OSBPL10: variants seen among roughly 807,000 people sequenced by gnomAD.
OSBPL10 encodes the protein oxysterol-binding protein-related protein 10.
OSBPL10 carries 49 observed loss-of-function variants against 81.7 expected under a neutral mutation model. The observed-to-expected ratio is 0.60, with a 90% CI of 0.48 to 0.76. The LOEUF is 0.76. Ranked by LOEUF, OSBPL10 falls within the 30% of genes least tolerant of loss-of-function variation. OSBPL10 has a pLI of 0.00. For missense variants in OSBPL10, 923 were observed against 987.8 expected (o/e 0.93, Z 0.88); for synonymous variants, 419 against 383.6 (o/e 1.09, Z -1.08).
chr3:32,030,588 G>A lies in OSBPL10; in HGVS notation n.298+15903C>T, dbSNP rs181947112. The A allele has an allele frequency of 2.6e-3, 2,689 of 1,026,822 alleles. 11 individuals carry two copies. Among genetic ancestry groups the A allele is most frequent in the Non-Finnish European group, 3.7e-3 (2,364 of 647,590 alleles). The allele number at this position is 1,026,822 out of a possible 1,614,324, so 63.6% of individuals were successfully genotyped here. On this transcript the variant is annotated intron_variant and non_coding_transcript_variant, in intron 2 of 3. Coordinates refer to the OSBPL10 transcript ENST00000479173. ...GTACCTGGGTTCAACTGAAGCGCCC[G>A]CCTGCTCCACCCAGAGAAGCACACT...
chr3:31,968,777 T>C (rs1284432296), intron 1 of OSBPL10, among the ~76,000 whole-genome samples: 1 of 152,192 alleles, frequency 6.6e-6, no homozygotes, highest in Non-Finnish European at 1.5e-5. Context: ...CCAAATTAAC[T>C]AAACAACTAT....
chr3:31,806,516 A>G (rs1161983186), intron 4 of OSBPL10, among the ~76,000 whole-genome samples: 1 of 152,224 alleles, frequency 6.6e-6, no homozygotes, highest in Non-Finnish European at 1.5e-5. Context: ...CTTTTGATAC[A>G]TATCTATTGA....
At chr3:31,962,099 T>A (rs1182342895) in intron 1 of OSBPL10, among the ~76,000 whole-genome samples, 2 of 152,194 alleles carry the variant, frequency 1.3e-5, no homozygotes, top group Admixed American at 1.3e-4. Flanking sequence ...GGATTACAGA[T>A]GCCCACCACC....
At chr3:31,762,171 A>G (rs61235680) in intron 4 of OSBPL10, among the ~76,000 whole-genome samples, 4,115 of 152,222 alleles carry the variant, frequency 0.027, 194 homozygotes, top group African/African-American at 0.094. Flanking sequence ...CCCACCTTCA[A>G]CAAGCTTATC....
chr3:32,012,631 A>G (rs1369887325), intron 2 of OSBPL10, among the ~76,000 whole-genome samples: 1 of 152,250 alleles, frequency 6.6e-6, no homozygotes, highest in African/African-American at 2.4e-5. Flanking sequence ...TGCTCCAATT[A>G]AAAGACACAG....
In OSBPL10 at chr3:31,684,001, C is replaced by G. The variant is rs889239649; in HGVS notation, c.1359G>C (p.Glu453Asp). ...LAITAGATPE[E>D]RVICFVEYYL... ...AATACTCAACGAAGCAAATGACTCT[C>G]TCCTCTGGTGTGGCCCCAGCGGTGA... Residue 453 changes from glutamate to aspartate, a missense_variant, in exon 8 of 12, where the codon GAG becomes GAC. Transcript: ENST00000396556. 6 of 1,614,108 alleles carry G rather than the reference C, an allele frequency of 3.7e-6. No individual in the cohort carries two copies. Among genetic ancestry groups the G allele is most frequent in the African/African-American group, 1.3e-5 (1 of 74,934 alleles).
chr3:31,791,591 T>C (rs886501685), intron 4 of OSBPL10, among the ~76,000 whole-genome samples: 3 of 152,176 alleles, frequency 2.0e-5, no homozygotes, highest in Non-Finnish European at 4.4e-5. Flanking sequence ...CAGTGAAAAC[T>C]TGAGTTCTTA....
intron 6 of OSBPL10, among the ~76,000 whole-genome samples, chr3:31,706,197 G>A (rs548010484): frequency 1.3e-5 from 2 of 152,300 alleles, no homozygotes; most frequent in East Asian, 1.9e-4. Flanking sequence ...AAAGCTTCAC[G>A]GGCAGGCTGG....
intron 4 of OSBPL10, among the ~76,000 whole-genome samples, chr3:31,818,461 A>G (rs939539398): frequency 6.6e-6 from 1 of 152,160 alleles, no homozygotes; most frequent in African/African-American, 2.4e-5. Flanking sequence ...GTATGTGTAT[A>G]CAGGCACACG....
At chr3:32,075,377 A>G (rs1699864886) in intron 1 of OSBPL10, among the ~76,000 whole-genome samples, 1 of 152,214 alleles carries the variant, frequency 6.6e-6, no homozygotes, top group Non-Finnish European at 1.5e-5. Flanking sequence ...CCAACCAAGC[A>G]AACAATAACA....
intron 1 of OSBPL10, among the ~76,000 whole-genome samples, chr3:31,965,236 G>C (rs981613792): frequency 7.3e-5 from 11 of 150,532 alleles, no homozygotes; most frequent in East Asian, 2.0e-4. Flanking sequence ...CGGGCGTGGT[G>C]GTGGGCACCT....
chr3:31,766,532 G>A (rs2125735250), intron 4 of OSBPL10, among the ~76,000 whole-genome samples: 1 of 151,768 alleles, frequency 6.6e-6, no homozygotes, highest in African/African-American at 2.4e-5. Flanking sequence ...TAGAGATGGG[G>A]TCTCATTATG....
At chr3:31,921,690 C>A (rs912796798) in intron 1 of OSBPL10, among the ~76,000 whole-genome samples, 4 of 152,164 alleles carry the variant, frequency 2.6e-5, no homozygotes, top group African/African-American at 9.7e-5. Context: ...AAACCATTCC[C>A]TCAAGAAGGA....
At position 31,923,347 on chromosome 3, in the gene OSBPL10, T is replaced by A. The variant is rs185522019; in HGVS notation, c.282-43517A>T. ...AATACCAGGTACAGCTTGATGCTAATCAGAGTGAAAGTTGTCAGTTTGAAA... is the reference window on the plus strand; with the variant it reads ...AATACCAGGTACAGCTTGATGCTAAACAGAGTGAAAGTTGTCAGTTTGAAA... On this transcript the variant is annotated intron_variant, in intron 1 of 11. Coordinates refer to ENST00000396556, the MANE Select transcript of OSBPL10 (RefSeq NM_017784.5). Among the ~76,000 whole-genome samples, 60 of 150,980 alleles carry A rather than the reference T, an allele frequency of 4.0e-4. 1 individual carries two copies. Among genetic ancestry groups the A allele is most frequent in the African/African-American group, 1.4e-3 (57 of 40,938 alleles).
In OSBPL10 at chr3:32,005,829, G is replaced by A. The variant is rs149993249; in HGVS notation, n.298+40662C>T. On this transcript the variant is annotated intron_variant and non_coding_transcript_variant, in intron 2 of 3. Coordinates refer to the OSBPL10 transcript ENST00000479173. ...TCTCAGTCTCCTGACCTCGTGATCC[G>A]CCCACCTCAGGACTCCCAAAGTGCT... Among the ~76,000 whole-genome samples, 400 of 152,096 alleles carry A rather than the reference G, an allele frequency of 2.6e-3. 2 individuals are homozygous for A. Among genetic ancestry groups the A allele is most frequent in the African/African-American group, 8.9e-3 (370 of 41,506 alleles).
intron 3 of OSBPL10, among the ~76,000 whole-genome samples, chr3:31,854,771 A>G (rs983384050): frequency 6.6e-5 from 10 of 152,178 alleles, no homozygotes; most frequent in Non-Finnish European, 1.0e-4. Context: ...AACACACATA[A>G]TTATTATACG....
chr3:31,762,849 C>A (rs1017010205), intron 4 of OSBPL10, among the ~76,000 whole-genome samples: 4 of 151,862 alleles, frequency 2.6e-5, no homozygotes, highest in Non-Finnish European at 5.9e-5. Flanking sequence ...TTTGCGGATG[C>A]GAGGTGTCAG....
intron 4 of OSBPL10, among the ~76,000 whole-genome samples, chr3:31,800,516 G>A (rs777719157): frequency 3.9e-5 from 6 of 152,168 alleles, no homozygotes; most frequent in Admixed American, 2.6e-4. Context: ...CCTTTGGGTC[G>A]CCAACTAAGG....
At chr3:32,028,905 G>C (rs996936669) in intron 2 of OSBPL10, among the ~76,000 whole-genome samples, 7 of 141,032 alleles carry the variant, frequency 5.0e-5, no homozygotes, top group Non-Finnish European at 7.6e-5. Flanking sequence ...TACAGATATT[G>C]TTACAGTAGG....
Sources: allele counts gnomAD v4.1 joint callset (sites outside exome capture counted in the v4.1 genomes callset), GRCh38; gene constraint gnomAD v4.1.1; transcripts MANE v1.5; gene names NCBI Gene and HGNC (gene_info 2026-07-23, HGNC 2026-07-21).